The following LRMDA variants were observed in gnomAD, a reference collection of about 807,000 sequenced individuals.
LRMDA encodes the protein leucine rich melanocyte differentiation associated, also known as leucine-rich melanocyte differentiation-associated protein.
LRMDA carries 18 observed loss-of-function variants against 29.8 expected under a neutral mutation model. That is an observed-to-expected ratio of 0.60 (90% CI 0.42 to 0.90). The LOEUF (loss-of-function observed/expected upper bound fraction) is 0.90, where lower values mean the gene tolerates loss of function less well. LRMDA is among the 40% of genes least tolerant of loss of function. LRMDA has a pLI of 0.00. For synonymous variants in LRMDA, 125 were observed against 109.4 expected (o/e 1.14, Z -0.89); for missense variants, 273 against 273.9 (o/e 1.00, Z 0.02).
At chr10:75,697,850 T>TGTGTGTGTGTGCACGC (rs10664076) in intron 2 of LRMDA, among the ~76,000 whole-genome samples, 22 of 151,704 alleles carry the variant, frequency 1.5e-4, no homozygotes, top group African/African-American at 5.1e-4. Context: ...TGTGTGTGTG[T>TGTGTGTGTGTGCACGC]GCGTGTGTGT....
At chr10:75,498,485 C>T (rs570394269) in intron 2 of LRMDA, among the ~76,000 whole-genome samples, 4 of 152,136 alleles carry the variant, frequency 2.6e-5, no homozygotes, top group Admixed American at 6.5e-5. Context: ...TGCATGCGTG[C>T]GTGTGTGTGC....
chr10:75,715,392 A>G (rs1842487552), intron 2 of LRMDA, among the ~76,000 whole-genome samples: 1 of 152,178 alleles, frequency 6.6e-6, no homozygotes, highest in South Asian at 2.1e-4. Context: ...ATAAAAAAAA[A>G]TCTGTATTCC....
At chr10:76,494,235 G>A (rs1179017147) in intron 6 of LRMDA, among the ~76,000 whole-genome samples, 1 of 151,640 alleles carries the variant, frequency 6.6e-6, no homozygotes, top group Non-Finnish European at 1.5e-5. Flanking sequence ...AAGTGGGGAA[G>A]TGGCCATCCT....
At chr10:76,458,053 A>G (rs1842474916) in intron 6 of LRMDA, among the ~76,000 whole-genome samples, 1 of 151,882 alleles carries the variant, frequency 6.6e-6, no homozygotes, top group Non-Finnish European at 1.5e-5. Context: ...AACAAGCCAG[A>G]TAGAAATGCA....
chr10:75,527,867 C>T (rs1026209985), intron 2 of LRMDA, among the ~76,000 whole-genome samples: 5 of 151,616 alleles, frequency 3.3e-5, no homozygotes, highest in African/African-American at 9.7e-5. Flanking sequence ...ACTGCAGCCT[C>T]GACCTTCTGG....
At chr10:75,793,836 T>C (rs1204444914) in intron 2 of LRMDA, among the ~76,000 whole-genome samples, 1 of 152,118 alleles carries the variant, frequency 6.6e-6, no homozygotes, top group East Asian at 1.9e-4. Context: ...GAGTGAGAAA[T>C]AAACCGTTAT....
intron 2 of LRMDA, among the ~76,000 whole-genome samples, chr10:75,449,413 TAC>T (rs2132030019): frequency 6.6e-6 from 1 of 152,134 alleles, no homozygotes; most frequent in South Asian, 2.1e-4. Context: ...ACTTCAGCTT[TAC>T]AGTTATCCTA....
At chr10:76,330,870 A>G (rs776435067) in intron 6 of LRMDA, among the ~76,000 whole-genome samples, 3 of 152,248 alleles carry the variant, frequency 2.0e-5, no homozygotes, top group Non-Finnish European at 2.9e-5. Context: ...AAATCTACAG[A>G]AAACAATAGC....
At chr10:75,517,587 A>G (rs980436789) in intron 2 of LRMDA, among the ~76,000 whole-genome samples, 1 of 152,186 alleles carries the variant, frequency 6.6e-6, no homozygotes, top group Non-Finnish European at 1.5e-5. Context: ...TTCTCAGCTT[A>G]AGGAGATTTG....
At chr10:76,392,566 T>A (rs1278298257) in intron 6 of LRMDA, among the ~76,000 whole-genome samples, 2 of 152,090 alleles carry the variant, frequency 1.3e-5, no homozygotes, top group African/African-American at 4.8e-5. Context: ...TGAGCATTTT[T>A]TTTGAGTGTC....
At chr10:75,637,514 A>G (rs1187267212) in intron 2 of LRMDA, among the ~76,000 whole-genome samples, 1 of 152,044 alleles carries the variant, frequency 6.6e-6, no homozygotes, top group African/African-American at 2.4e-5. Context: ...CAGGAGACTA[A>G]TCTCTTACTG....
At chr10:75,679,307 G>A (rs1360165119) in intron 2 of LRMDA, among the ~76,000 whole-genome samples, 2 of 152,090 alleles carry the variant, frequency 1.3e-5, no homozygotes, top group Non-Finnish European at 2.9e-5. Flanking sequence ...CACTTTTTAT[G>A]CATTATCCTA....
At chr10:76,168,208 T>A (rs887892962) in intron 5 of LRMDA, among the ~76,000 whole-genome samples, 9 of 152,230 alleles carry the variant, frequency 5.9e-5, no homozygotes, top group Admixed American at 5.2e-4. Flanking sequence ...CACAGGACTT[T>A]GAATTATATA....
In LRMDA at chr10:75,710,238, A is replaced by C. The variant is rs956810907; in HGVS notation, c.131+271744A>C. On this transcript the variant is annotated intron_variant, in intron 2 of 6. Transcript: ENST00000611255. ...TGTTAATGACAGAGAGGAAAACAAA[A>C]ACCACTAGCTTCTCCCAGCAGGCCC... Among the ~76,000 whole-genome samples the C allele has an allele frequency of 2.0e-5, 3 of 152,198 alleles. No individual in the cohort carries two copies. The East Asian group carries it at 5.8e-4, about 29-fold the overall frequency.
At chr10:76,332,581 C>T (rs1393500350) in intron 6 of LRMDA, among the ~76,000 whole-genome samples, 1 of 152,202 alleles carries the variant, frequency 6.6e-6, no homozygotes, top group Non-Finnish European at 1.5e-5. Flanking sequence ...CTTCCCCCAA[C>T]AGACAGTCCC....
At chr10:75,830,979 G>T (rs1028658214) in intron 2 of LRMDA, among the ~76,000 whole-genome samples, 5 of 152,066 alleles carry the variant, frequency 3.3e-5, no homozygotes, top group African/African-American at 1.2e-4. Flanking sequence ...ATTCTAAATG[G>T]GAGAAATTAG....
chr10:76,283,403 G>A (rs1428123750), intron 5 of LRMDA, among the ~76,000 whole-genome samples: 3 of 152,158 alleles, frequency 2.0e-5, no homozygotes, highest in Non-Finnish European at 2.9e-5. Context: ...CACTGGGGAA[G>A]CATGAAGGAG....
Position 76,557,263 on chromosome 10 carries a change from G to A in LRMDA, c.656G>A (p.Arg219Lys). 2 of 1,614,062 alleles carry A rather than the reference G, an allele frequency of 1.2e-6. No homozygotes were observed. The highest frequency in any genetic ancestry group is 1.7e-6 in the Non-Finnish European group (2 of 1,179,958). ...TATGGGAAAAACTCAGAGGGCAACA[G>A]GTTTATCCGAGATGACCAGCTCTGA... ...VYYGKNSEGNRFIRDDQL is the reference protein window; with the variant it reads ...VYYGKNSEGNKFIRDDQL Residue 219 changes from arginine (R) to lysine (K), a missense_variant, in exon 7 of 7, where the codon AGG becomes AAG. Coordinates refer to ENST00000611255, the MANE Select transcript of LRMDA (RefSeq NM_001305581.2).
chr10:76,159,956 C>T (rs567683602), intron 5 of LRMDA, among the ~76,000 whole-genome samples: 1 of 152,188 alleles, frequency 6.6e-6, no homozygotes, highest in African/African-American at 2.4e-5. Context: ...ATGACTGATA[C>T]ATGTCATGTA....
Sources: gnomAD v4.1 joint callset for allele counts (sites outside exome capture counted in the v4.1 genomes callset) on GRCh38, gnomAD v4.1.1 for gene constraint, MANE v1.5 for transcripts, NCBI Gene and HGNC (gene_info 2026-07-23, HGNC 2026-07-21) for gene names.